The following TMTC4 variants were observed in gnomAD, a reference collection of about 807,000 sequenced individuals.
TMTC4 encodes protein O-mannosyl-transferase TMTC4.
In TMTC4, 65 loss-of-function variants were observed where a neutral mutation model predicts 86.0. That is an observed-to-expected ratio of 0.76 (90% CI 0.62 to 0.93). The LOEUF is 0.93. Among genes scored for constraint, TMTC4 ranks in the 40% least tolerant of loss-of-function variants. The pLI, the probability that TMTC4 is intolerant of heterozygous loss-of-function variation, is 0.00. For missense variants in TMTC4, 866 were observed against 948.1 expected, an observed-to-expected ratio of 0.91 and a Z score of 1.14; for synonymous variants, 379 against 382.5, an observed-to-expected ratio of 0.99 and a Z score of 0.11.
intron 6 of TMTC4, among the ~76,000 whole-genome samples, chr13:100,650,128 T>C (rs919378107): frequency 2.0e-5 from 3 of 152,108 alleles, no homozygotes; most frequent in South Asian, 2.1e-4. Flanking sequence ...GCCTCTCTCA[T>C]CTTTTAAGAA....
chr13:100,619,591 A>G (rs751912212), intron 15 of TMTC4, among the ~76,000 whole-genome samples: 4 of 152,242 alleles, frequency 2.6e-5, no homozygotes, highest in Non-Finnish European at 4.4e-5. Context: ...GCAAATAGAT[A>G]GCATATTATG....
intron 7 of TMTC4, among the ~76,000 whole-genome samples, chr13:100,641,524 G>A (rs1245155979): frequency 1.3e-5 from 2 of 150,684 alleles, no homozygotes; most frequent in South Asian, 2.1e-4. Flanking sequence ...TTTTGCTGTT[G>A]TTGTCTAGGC....
chr13:100,674,252 G>A, intron 1 of TMTC4: 1 of 979,798 alleles, frequency 1.0e-6, no homozygotes, highest in Non-Finnish European at 1.2e-6. Flanking sequence ...CGGCGCGGCG[G>A]GGGAGCCGCC....
At chr13:100,647,251 G>T (rs535669856) in intron 6 of TMTC4, among the ~76,000 whole-genome samples, 2 of 152,262 alleles carry the variant, frequency 1.3e-5, no homozygotes, top group African/African-American at 4.8e-5. Flanking sequence ...AATTACCATG[G>T]GATCTCATCC....
chr13:100,612,654 TACACACACACACAC>T (rs60782137), intron 16 of TMTC4, 144 bp from the exon 17 acceptor site: 61,481 of 448,694 alleles, frequency 0.14, 2,725 homozygotes, highest in Middle Eastern at 0.19. Flanking sequence ...GATCATGTAA[TACACACACACACAC>T]ACACACACAC....
intron 17 of TMTC4, among the ~76,000 whole-genome samples, chr13:100,611,033 T>A (rs777578308): frequency 6.6e-6 from 1 of 152,220 alleles, no homozygotes; most frequent in Non-Finnish European, 1.5e-5. Context: ...CCCAACATTA[T>A]AAAACTAGAG....
At position 100,637,499 on chromosome 13, in the gene TMTC4, G is replaced by C. The variant is rs747733991; in HGVS notation, c.999+39C>G. Reference sequence around the variant, plus strand: ...TGAGGGATCTGGGAATCTGGTGGGGGAAGAAAAGAGTCCAGGGGGCGGCAG... The same window carrying C: ...TGAGGGATCTGGGAATCTGGTGGGGCAAGAAAAGAGTCCAGGGGGCGGCAG... On this transcript the variant is annotated intron_variant, in intron 9 of 18. Transcript: ENST00000342624. 5 of 1,576,416 alleles carry C rather than the reference G, an allele frequency of 3.2e-6. No homozygotes were observed. The South Asian group carries it at 5.8e-5, about 18-fold the overall frequency.
intron 15 of TMTC4, among the ~76,000 whole-genome samples, chr13:100,622,467 GA>G (rs1445547194): frequency 2.0e-5 from 3 of 152,212 alleles, no homozygotes. Context: ...GGGACCTGGT[GA>G]AAAATAACTG....
At chr13:100,644,821 C>CTTTTTTT (rs35998489) in intron 6 of TMTC4, among the ~76,000 whole-genome samples, 1 of 149,140 alleles carries the variant, frequency 6.7e-6, no homozygotes, top group Non-Finnish European at 1.5e-5. Context: ...AACGAACATA[C>CTTTTTTT]TTTTTTTTTT....
intron 6 of TMTC4, 61 bp downstream of exon 6, chr13:100,656,305 CGTATGTTAAGACACT>C: frequency 7.0e-6 from 9 of 1,286,908 alleles, no homozygotes; most frequent in Non-Finnish European, 9.9e-6. Context: ...GATTCTTTCC[CGTATGTTAAGACACT>C]GCTCAACAGG....
intron 17 of TMTC4, 135 bp downstream of exon 17, chr13:100,612,263 C>T (rs1877708803): frequency 1.5e-6 from 1 of 662,358 alleles, no homozygotes; most frequent in Non-Finnish European, 2.5e-6. Flanking sequence ...AGGAAACAAA[C>T]TGGCCAAGCC....
chr13:100,663,168 G>A lies in TMTC4; in HGVS notation c.348C>T (p.Tyr116=). 1 of 1,614,196 alleles carries A rather than the reference G, an allele frequency of 6.2e-7. No individual in the cohort carries two copies. The highest frequency in any genetic ancestry group is 1.1e-5 in the South Asian group (1 of 91,074). ...CCACGGGGTGGAAGCCTCCCGAGAG[G>A]TAGTAGTTAATCCTGCAGAAACACA... is the stretch of plus-strand genomic sequence containing the variant. ...LTVLTFRINY[Y]LSGGFHPVGF... The change falls in exon 5 of 19, where the codon TAC becomes TAT. Residue 116 remains tyrosine (Y), a synonymous_variant. Transcript: ENST00000342624.
intron 6 of TMTC4, among the ~76,000 whole-genome samples, chr13:100,647,007 A>T (rs978409851): frequency 1.3e-5 from 2 of 152,176 alleles, no homozygotes. Context: ...GGGGAAAGGG[A>T]CACAAGCTTT....
At chr13:100,650,321 G>GA (rs1204612573) in intron 6 of TMTC4, among the ~76,000 whole-genome samples, 1 of 152,142 alleles carries the variant, frequency 6.6e-6, no homozygotes, top group African/African-American at 2.4e-5. Context: ...GGGGCACAGG[G>GA]AAAAAAATGC....
chr13:100,623,541 T>C (rs531743111), intron 15 of TMTC4, among the ~76,000 whole-genome samples: 23 of 152,256 alleles, frequency 1.5e-4, no homozygotes, highest in Non-Finnish European at 2.6e-4. Context: ...TTTATTATTG[T>C]TATTTTAAAA....
At chr13:100,624,012 A>G in intron 15 of TMTC4, 1 of 301,146 alleles carries the variant, frequency 3.3e-6, no homozygotes, top group South Asian at 3.5e-5. Flanking sequence ...TAGGCCAGTC[A>G]CCTACTTGTT....
chr13:100,659,066 G>T (rs1885455406), intron 5 of TMTC4, among the ~76,000 whole-genome samples: 1 of 152,040 alleles, frequency 6.6e-6, no homozygotes, highest in Admixed American at 6.6e-5. Flanking sequence ...CAAATACTGT[G>T]AAACACTCAG....
At chr13:100,674,918 C>G (rs1471515798), upstream of TMTC4, 1 of 984,912 alleles carries the variant, frequency 1.0e-6, no homozygotes, top group Non-Finnish European at 1.2e-6. Context: ...GCACCAGTCT[C>G]GGCCCGCCCC....
chr13:100,614,931 T>C, intron 15 of TMTC4: 1 of 985,334 alleles, frequency 1.0e-6, no homozygotes, highest in Non-Finnish European at 1.2e-6. Flanking sequence ...CAATTCACCT[T>C]GTGAAGGGTG....
Sources: gnomAD v4.1 joint callset for allele counts (sites outside exome capture counted in the v4.1 genomes callset) on GRCh38, gnomAD v4.1.1 for gene constraint, MANE v1.5 for transcripts, NCBI Gene and HGNC (gene_info 2026-07-23, HGNC 2026-07-21) for gene names.